VPS13B: variants seen among roughly 807,000 people sequenced by gnomAD.
VPS13B encodes intermembrane lipid transfer protein VPS13B.
VPS13B carries 285 observed loss-of-function variants against 426.4 expected under a neutral mutation model. The ratio of observed to expected loss-of-function variants is 0.67; its 90% CI spans 0.61 to 0.74. VPS13B has a LOEUF of 0.74. Among genes scored for constraint, VPS13B ranks in the 30% least tolerant of loss-of-function variants. The probability of loss-of-function intolerance (pLI) is 0.00; values close to 1 mark genes in which losing one functional copy is unlikely to be tolerated. For missense variants in VPS13B, 4,537 were observed against 4,782.6 expected, an observed-to-expected ratio of 0.95 and a Z score of 1.51; for synonymous variants, 1,676 against 1,676.4, an observed-to-expected ratio of 1.00 and a Z score of 0.01.
chr8:99,353,141 C>T (rs1811987442), intron 19 of VPS13B, among the ~76,000 whole-genome samples: 1 of 151,798 alleles, frequency 6.6e-6, no homozygotes, highest in South Asian at 2.1e-4. Context: ...TCCACCATGC[C>T]TGGCTAATTT....
intron 23 of VPS13B, 120 bp from the exon 24 acceptor site, chr8:99,467,294 T>C (rs1293454965): frequency 9.4e-7 from 1 of 1,060,154 alleles, no homozygotes; most frequent in Non-Finnish European, 1.4e-6. Flanking sequence ...AATACTATAT[T>C]CACTTTTTAT....
At chr8:99,143,284 C>T (rs1237530550) in intron 13 of VPS13B, 119 bp downstream of exon 13, 6 of 1,236,112 alleles carry the variant, frequency 4.9e-6, no homozygotes, top group African/African-American at 1.5e-5. Context: ...TTTGCAAGGA[C>T]TTTGATATAT....
At chr8:99,517,540 T>A (rs1822152105) in intron 29 of VPS13B, among the ~76,000 whole-genome samples, 1 of 152,216 alleles carries the variant, frequency 6.6e-6, no homozygotes, top group African/African-American at 2.4e-5. Flanking sequence ...CTATTTTATT[T>A]AGAAAAATGA....
In VPS13B at chr8:99,084,856, G is replaced by A. The variant is rs569877855; in HGVS notation, c.292-11456G>A. Among the ~76,000 whole-genome samples, 5 of 152,288 alleles carry A rather than the reference G, an allele frequency of 3.3e-5. No homozygotes were observed. The South Asian group carries it at 1.0e-3, about 32-fold the overall frequency. On this transcript the variant is annotated intron_variant, in intron 3 of 61. Coordinates refer to ENST00000357162, the MANE Select transcript of VPS13B (RefSeq NM_152564.5). Reference sequence around the variant, plus strand: ...ATTACTGTTCTTTTACATTTGCTGAGGAGTGCTTTACTTCCGACTATGTGA... The same window carrying A: ...ATTACTGTTCTTTTACATTTGCTGAAGAGTGCTTTACTTCCGACTATGTGA...
chr8:99,398,814 A>ATT (rs34134409), intron 21 of VPS13B, among the ~76,000 whole-genome samples: 26 of 143,916 alleles, frequency 1.8e-4, no homozygotes, highest in African/African-American at 3.8e-4. Context: ...TGGGACAAGT[A>ATT]TTTTTTTTTT....
intron 39 of VPS13B, among the ~76,000 whole-genome samples, chr8:99,760,776 A>G (rs916432584): frequency 4.6e-5 from 7 of 152,240 alleles, no homozygotes; most frequent in African/African-American, 1.7e-4. Flanking sequence ...ATTCAAGAAA[A>G]GAAAATTGTG....
At chr8:99,044,611 C>T (rs933110020) in intron 3 of VPS13B, among the ~76,000 whole-genome samples, 2 of 151,856 alleles carry the variant, frequency 1.3e-5, no homozygotes, top group South Asian at 2.1e-4. Context: ...AAGCAGTATA[C>T]GCTGTACCGA....
intron 19 of VPS13B, among the ~76,000 whole-genome samples, chr8:99,300,176 G>A (rs528151685): frequency 3.8e-4 from 58 of 152,196 alleles, no homozygotes; most frequent in Non-Finnish European, 6.9e-4. Context: ...TGTACACCAG[G>A]GGTGAGCACA....
intron 36 of VPS13B, among the ~76,000 whole-genome samples, chr8:99,714,749 A>G (rs747832937): frequency 1.3e-5 from 2 of 152,174 alleles, no homozygotes; most frequent in Non-Finnish European, 2.9e-5. Flanking sequence ...ACAGACAGAC[A>G]CGTTGCAGAA....
intron 21 of VPS13B, among the ~76,000 whole-genome samples, chr8:99,400,296 T>A (rs1482238892): frequency 6.6e-6 from 1 of 152,080 alleles, no homozygotes; most frequent in African/African-American, 2.4e-5. Context: ...AGAACCCCCA[T>A]CCCCACCCCA....
intron 29 of VPS13B, among the ~76,000 whole-genome samples, chr8:99,512,836 C>T (rs1821862990): frequency 6.6e-6 from 1 of 151,994 alleles, no homozygotes; most frequent in African/African-American, 2.4e-5. Context: ...GGTGAAACCC[C>T]AGCTCTACTA....
intron 30 of VPS13B, among the ~76,000 whole-genome samples, chr8:99,552,655 G>A (rs906703720): frequency 2.0e-5 from 3 of 151,238 alleles, no homozygotes; most frequent in Non-Finnish European, 4.4e-5. Flanking sequence ...ATTTCTACAT[G>A]AGCATAAGGA....
At chr8:99,347,691 A>C (rs1378062692) in intron 19 of VPS13B, 1 of 152,190 alleles carries the variant, frequency 6.6e-6, no homozygotes, top group East Asian at 1.9e-4. Flanking sequence ...AAATAATTTC[A>C]ATCCTGCCGT....
At chr8:99,538,529 G>C (rs1280302919) in intron 30 of VPS13B, among the ~76,000 whole-genome samples, 1 of 152,050 alleles carries the variant, frequency 6.6e-6, no homozygotes, top group Non-Finnish European at 1.5e-5. Context: ...GTGTCTGAGT[G>C]TGTGTGTGTT....
At chr8:99,869,673 G>C (rs1817291202) in intron 59 of VPS13B, among the ~76,000 whole-genome samples, 1 of 152,134 alleles carries the variant, frequency 6.6e-6, no homozygotes, top group Non-Finnish European at 1.5e-5. Flanking sequence ...AATTCTTTTG[G>C]TTTTGAAAAT....
At chr8:99,797,990 G>A (rs1812937477) in intron 43 of VPS13B, among the ~76,000 whole-genome samples, 1 of 152,096 alleles carries the variant, frequency 6.6e-6, no homozygotes, top group African/African-American at 2.4e-5. Context: ...GTTCCATTTG[G>A]GGAGGAAGGA....
At chr8:99,780,150 A>T (rs1185872857) in intron 42 of VPS13B, among the ~76,000 whole-genome samples, 1 of 152,176 alleles carries the variant, frequency 6.6e-6, no homozygotes, top group Non-Finnish European at 1.5e-5. Context: ...TGCAAAGGAC[A>T]TGCGTAAAAT....
intron 19 of VPS13B, among the ~76,000 whole-genome samples, chr8:99,280,191 G>A (rs1330940532): frequency 6.6e-6 from 1 of 151,942 alleles, no homozygotes; most frequent in East Asian, 1.9e-4. Flanking sequence ...TACATATACT[G>A]TTTTTTTCTG....
intron 33 of VPS13B, among the ~76,000 whole-genome samples, chr8:99,597,119 C>T (rs553024208): frequency 6.6e-6 from 1 of 152,152 alleles, no homozygotes; most frequent in African/African-American, 2.4e-5. Flanking sequence ...CTTCATCTGA[C>T]GATGAACTCC....
Sources: gnomAD v4.1 joint callset for allele counts (sites outside exome capture counted in the v4.1 genomes callset) on GRCh38, gnomAD v4.1.1 for gene constraint, MANE v1.5 for transcripts, NCBI Gene and HGNC (gene_info 2026-07-23, HGNC 2026-07-21) for gene names.